PTPRT: variants seen among roughly 807,000 people sequenced by gnomAD.
The protein encoded by PTPRT is protein tyrosine phosphatase receptor type T, also known as receptor-type tyrosine-protein phosphatase T.
Under a neutral mutation model 176.8 loss-of-function variants are expected in PTPRT, and 56 were observed. The ratio of observed to expected loss-of-function variants is 0.32; its 90% confidence interval spans 0.26 to 0.40. The LOEUF (loss-of-function observed/expected upper bound fraction) is 0.40. Ranked by LOEUF, PTPRT falls within the 10% of genes least tolerant of loss-of-function variation. The pLI, the probability that PTPRT is intolerant of heterozygous loss-of-function variation, is 1.00. For synonymous variants in PTPRT, 783 were observed against 739.0 expected (o/e 1.06, Z -0.96); for missense variants, 1,540 against 1,908.2 (o/e 0.81, Z 3.60).
At chr20:42,230,037 C>T (rs554350089) in intron 15 of PTPRT, among the ~76,000 whole-genome samples, 2 of 152,278 alleles carry the variant, frequency 1.3e-5, no homozygotes, top group East Asian at 3.9e-4. Context: ...GACAAATTTG[C>T]TCCTGCCCAT....
At chr20:42,357,811 G>A (rs2058378541) in intron 9 of PTPRT, among the ~76,000 whole-genome samples, 1 of 151,970 alleles carries the variant, frequency 6.6e-6, no homozygotes, top group East Asian at 1.9e-4. Context: ...TTACTTGGGA[G>A]GCTGAGGCAG....
At chr20:42,589,544 A>T (rs1371986977) in intron 7 of PTPRT, among the ~76,000 whole-genome samples, 2 of 152,182 alleles carry the variant, frequency 1.3e-5, no homozygotes, top group African/African-American at 4.8e-5. Context: ...AGAAGGAAAA[A>T]CAAACTCTAA....
intron 13 of PTPRT, among the ~76,000 whole-genome samples, chr20:42,270,919 C>T (rs1045324741): frequency 3.9e-5 from 6 of 152,092 alleles, no homozygotes; most frequent in Non-Finnish European, 5.9e-5. Context: ...TTAATTCTAC[C>T]CCAGAAAAGC....
intron 1 of PTPRT, among the ~76,000 whole-genome samples, chr20:43,120,074 T>G (rs888836542): frequency 4.6e-5 from 7 of 152,220 alleles, no homozygotes. Context: ...CCCATAGTGC[T>G]GGGATTATAG....
intron 7 of PTPRT, among the ~76,000 whole-genome samples, chr20:42,485,245 T>C (rs374126854): frequency 4.6e-5 from 7 of 152,260 alleles, no homozygotes; most frequent in African/African-American, 1.7e-4. Context: ...ACCCATAACA[T>C]CTGGGTTAGT....
intron 1 of PTPRT, among the ~76,000 whole-genome samples, chr20:43,106,666 GAA>G (rs71193676): frequency 0.068 from 5,939 of 86,972 alleles, 147 homozygotes; most frequent in South Asian, 0.094. Flanking sequence ...CTCAAAAAAA[GAA>G]AAAAAAAAAA....
intron 6 of PTPRT, among the ~76,000 whole-genome samples, chr20:42,720,962 G>A (rs1024788536): frequency 2.0e-5 from 3 of 152,142 alleles, no homozygotes; most frequent in African/African-American, 7.2e-5. Context: ...CAGATGCTCT[G>A]AGCTCACAGC....
chr20:42,439,143 C>T (rs1314496562), intron 9 of PTPRT, among the ~76,000 whole-genome samples: 1 of 152,136 alleles, frequency 6.6e-6, no homozygotes, highest in African/African-American at 2.4e-5. Context: ...GGAGGGGAAA[C>T]ATCTTATGGA....
At chr20:42,309,204 G>A (rs2057590160) in intron 12 of PTPRT, among the ~76,000 whole-genome samples, 1 of 152,188 alleles carries the variant, frequency 6.6e-6, no homozygotes, top group African/African-American at 2.4e-5. Context: ...ATATTTGCAT[G>A]AGTTTGCCAC....
chr20:42,083,118 CAAAAAAAAAA>C (rs3084622), intron 29 of PTPRT, among the ~76,000 whole-genome samples: 1 of 60,078 alleles, frequency 1.7e-5, no homozygotes, highest in Non-Finnish European at 2.7e-5. Flanking sequence ...GACACTAGTG[CAAAAAAAAAA>C]AAAAAAAAGC....
At chr20:42,712,442 T>C (rs959772208) in intron 6 of PTPRT, among the ~76,000 whole-genome samples, 18 of 152,144 alleles carry the variant, frequency 1.2e-4, no homozygotes, top group Non-Finnish European at 1.2e-4. Context: ...TGATACTCAG[T>C]GAGATGACAT....
intron 6 of PTPRT, among the ~76,000 whole-genome samples, chr20:42,690,591 A>T (rs754512713): frequency 6.6e-6 from 1 of 152,210 alleles, no homozygotes; most frequent in Non-Finnish European, 1.5e-5. Context: ...CGCAGCCCAC[A>T]TAAGTGGAAG....
intron 9 of PTPRT, among the ~76,000 whole-genome samples, chr20:42,435,904 G>A (rs902480769): frequency 6.6e-6 from 1 of 152,136 alleles, no homozygotes; most frequent in African/African-American, 2.4e-5. Context: ...ACTATGCATG[G>A]TTACAGTGCA....
intron 16 of PTPRT, among the ~76,000 whole-genome samples, chr20:42,174,122 T>G (rs192744751): frequency 6.6e-6 from 1 of 152,250 alleles, no homozygotes; most frequent in Non-Finnish European, 1.5e-5. Flanking sequence ...AGATTAATAT[T>G]ATTGGAAAGT....
chr20:43,111,162 G>A (rs745313144), intron 1 of PTPRT, among the ~76,000 whole-genome samples: 6 of 152,210 alleles, frequency 3.9e-5, no homozygotes, highest in South Asian at 4.1e-4. Flanking sequence ...GAGACCCTCC[G>A]TGTAGTCTGG....
intron 16 of PTPRT, among the ~76,000 whole-genome samples, chr20:42,178,118 A>C (rs1017179654): frequency 1.3e-5 from 2 of 152,020 alleles, no homozygotes; most frequent in African/African-American, 4.8e-5. Flanking sequence ...TTGTATTTTT[A>C]GTAGAGATAA....
intron 9 of PTPRT, among the ~76,000 whole-genome samples, chr20:42,391,669 A>C (rs553977814): frequency 1.3e-5 from 2 of 152,280 alleles, no homozygotes; most frequent in South Asian, 4.1e-4. Context: ...TGCAACAATG[A>C]TAGAGCTTGG....
intron 1 of PTPRT, among the ~76,000 whole-genome samples, chr20:42,893,276 G>C (rs867892736): frequency 1.3e-5 from 2 of 152,120 alleles, no homozygotes; most frequent in South Asian, 2.1e-4. Flanking sequence ...ATCATCACTG[G>C]CCATCAGAGA....
chr20:42,707,476 T>C (rs2076078097), intron 6 of PTPRT, among the ~76,000 whole-genome samples: 1 of 152,166 alleles, frequency 6.6e-6, no homozygotes, highest in Non-Finnish European at 1.5e-5. Flanking sequence ...GAAAGAGATG[T>C]GTGGTGTCAG....
Sources: allele counts gnomAD v4.1 joint callset (sites outside exome capture counted in the v4.1 genomes callset), GRCh38; gene constraint gnomAD v4.1.1; transcripts MANE v1.5; gene names NCBI Gene and HGNC (gene_info 2026-07-23, HGNC 2026-07-21).